SLC4A4: variants seen among roughly 807,000 people sequenced by gnomAD.
SLC4A4 encodes the protein electrogenic sodium bicarbonate cotransporter 1.
In SLC4A4, 27 loss-of-function variants were observed where a neutral mutation model predicts 111.5. The observed-to-expected ratio is 0.24, with a 90% confidence interval of 0.18 to 0.33. SLC4A4 has a LOEUF of 0.33. SLC4A4 is among the 10% of genes least tolerant of loss of function. The pLI, the probability that SLC4A4 is intolerant of heterozygous loss-of-function variation, is 1.00. For synonymous variants in SLC4A4, 443 were observed against 463.4 expected, an observed-to-expected ratio of 0.96 and a Z score of 0.57; for missense variants, 909 against 1,315.5, an observed-to-expected ratio of 0.69 and a Z score of 4.78.
At chr4:71,066,751 GA>G (rs1187658201) in intron 1 of SLC4A4, among the ~76,000 whole-genome samples, 1 of 152,164 alleles carries the variant, frequency 6.6e-6, no homozygotes, top group African/African-American at 2.4e-5. Flanking sequence ...AATCCCTACT[GA>G]AGAAACTATT....
chr4:71,270,834 C>G (rs1431697627), intron 3 of SLC4A4, among the ~76,000 whole-genome samples: 3 of 152,184 alleles, frequency 2.0e-5, no homozygotes, highest in Non-Finnish European at 4.4e-5. Flanking sequence ...CTCATAGGCT[C>G]ATTGGGGAAC....
At chr4:71,223,539 T>C (rs764021053) in intron 1 of SLC4A4, among the ~76,000 whole-genome samples, 2 of 152,146 alleles carry the variant, frequency 1.3e-5, no homozygotes, top group Non-Finnish European at 2.9e-5. Context: ...TTAAAGAACT[T>C]ATCAAGTATA....
At chr4:71,115,798 C>T (rs1743227895) in intron 2 of SLC4A4, among the ~76,000 whole-genome samples, 1 of 152,162 alleles carries the variant, frequency 6.6e-6, no homozygotes, top group African/African-American at 2.4e-5. Context: ...ATAGAACTCT[C>T]TCTAAAATAT....
chr4:71,273,831 A>G (rs980932725), intron 3 of SLC4A4, among the ~76,000 whole-genome samples: 3 of 152,192 alleles, frequency 2.0e-5, no homozygotes, highest in Non-Finnish European at 4.4e-5. Flanking sequence ...GAACCAGTTA[A>G]CTAACTTCTT....
chr4:71,182,742 A>ACACT (rs1188143392), upstream of SLC4A4, among the ~76,000 whole-genome samples: 74 of 128,480 alleles, frequency 5.8e-4, no homozygotes, highest in African/African-American at 1.9e-3. Flanking sequence ...ACACACACAC[A>ACACT]CTCTCTCTCA....
chr4:71,266,728 G>T (rs1241286911), intron 3 of SLC4A4, among the ~76,000 whole-genome samples: 1 of 152,142 alleles, frequency 6.6e-6, no homozygotes, highest in Non-Finnish European at 1.5e-5. Context: ...TGGTCCTGGG[G>T]CAGGCGCCTG....
At chr4:71,112,731 T>C (rs1297934596) in intron 2 of SLC4A4, among the ~76,000 whole-genome samples, 1 of 152,062 alleles carries the variant, frequency 6.6e-6, no homozygotes, top group Non-Finnish European at 1.5e-5. Context: ...AGATCTGGAG[T>C]GGGACCTGGG....
At chr4:71,377,890 T>C (rs1732555976) in intron 6 of SLC4A4, among the ~76,000 whole-genome samples, 2 of 151,896 alleles carry the variant, frequency 1.3e-5, no homozygotes. Context: ...GAAGAAGAGG[T>C]TTAATTAGAC....
At chr4:71,448,897 C>T (rs1322644668) in intron 9 of SLC4A4, among the ~76,000 whole-genome samples, 2 of 152,148 alleles carry the variant, frequency 1.3e-5, no homozygotes, top group East Asian at 3.9e-4. Flanking sequence ...AGCTTTATGG[C>T]TATGCTGCTT....
At chr4:71,299,470 A>G (rs1005692086) in intron 3 of SLC4A4, among the ~76,000 whole-genome samples, 3 of 152,178 alleles carry the variant, frequency 2.0e-5, no homozygotes, top group African/African-American at 7.2e-5. Flanking sequence ...TGGCCTGGAC[A>G]GGACCCAGAA....
chr4:71,166,063 G>C (rs1744737096), intron 2 of SLC4A4, among the ~76,000 whole-genome samples: 1 of 152,128 alleles, frequency 6.6e-6, no homozygotes, highest in South Asian at 2.1e-4. Flanking sequence ...TATTGATAAT[G>C]GATCTGCAAG....
chr4:71,441,705 G>A (rs1724733299), intron 8 of SLC4A4, among the ~76,000 whole-genome samples: 1 of 152,172 alleles, frequency 6.6e-6, no homozygotes, highest in Admixed American at 6.5e-5. Context: ...GCCTGGTTAG[G>A]AGGAAAATTA....
intron 2 of SLC4A4, among the ~76,000 whole-genome samples, chr4:71,116,943 C>CAAAAA (rs112257014): frequency 8.6e-6 from 1 of 116,574 alleles, no homozygotes; most frequent in Non-Finnish European, 1.9e-5. Flanking sequence ...AACTCCATCT[C>CAAAAA]AAAAAAAAAA....
intron 7 of SLC4A4, among the ~76,000 whole-genome samples, chr4:71,433,837 A>G (rs1723865642): frequency 6.6e-6 from 1 of 152,160 alleles, no homozygotes; most frequent in African/African-American, 2.4e-5. Flanking sequence ...AGAGATATTT[A>G]TAACTGCCAA....
At chr4:71,267,847 A>G (rs1316220408) in intron 3 of SLC4A4, among the ~76,000 whole-genome samples, 11 of 150,814 alleles carry the variant, frequency 7.3e-5, no homozygotes, top group Middle Eastern at 3.4e-3. Context: ...TTTCAGATGA[A>G]TAATTATGTG....
intron 8 of SLC4A4, 133 bp from the exon 9 acceptor site, chr4:71,447,513 A>G (rs72853209): frequency 1.8e-5 from 13 of 705,856 alleles, no homozygotes; most frequent in Non-Finnish European, 2.6e-5. Flanking sequence ...TACCAATAAT[A>G]TATTACCTTT....
intron 3 of SLC4A4, among the ~76,000 whole-genome samples, chr4:71,319,299 A>G (rs935250794): frequency 1.3e-5 from 2 of 151,564 alleles, no homozygotes; most frequent in African/African-American, 4.8e-5. Context: ...TTATTTTTCC[A>G]TTGGATTTTC....
intron 6 of SLC4A4, among the ~76,000 whole-genome samples, chr4:71,365,459 G>A (rs1324831932): frequency 2.0e-5 from 3 of 152,148 alleles, no homozygotes; most frequent in African/African-American, 7.2e-5. Flanking sequence ...TATAGGAGAG[G>A]GAAGGACAGG....
chr4:71,236,175 T>A (rs1719789992), intron 1 of SLC4A4: 5 of 1,058,222 alleles, frequency 4.7e-6, no homozygotes, highest in African/African-American at 1.7e-5. Context: ...GCACTGAAGC[T>A]GGATTTCCAC....
Sources: gnomAD v4.1 joint callset for allele counts (sites outside exome capture counted in the v4.1 genomes callset) on GRCh38, gnomAD v4.1.1 for gene constraint, MANE v1.5 for transcripts, NCBI Gene and HGNC (gene_info 2026-07-23, HGNC 2026-07-21) for gene names.